EFHB: variants seen among roughly 807,000 people sequenced by gnomAD.
EFHB encodes EF-hand domain-containing family member B.
A neutral mutation model predicts 87.2 loss-of-function variants in EFHB; 91 were observed. That is an observed-to-expected ratio of 1.04 (90% CI 0.88 to 1.24). The LOEUF is 1.24. Among genes scored for constraint, EFHB ranks in the 50% most tolerant of loss-of-function variants. EFHB has a pLI of 0.00. For missense variants in EFHB, 1,084 were observed against 998.8 expected (o/e 1.09, Z -1.15); for synonymous variants, 325 against 333.6 (o/e 0.97, Z 0.28).
chr3:19,904,517 T>C (rs1374359351), intron 6 of EFHB, among the ~76,000 whole-genome samples: 6 of 152,200 alleles, frequency 3.9e-5, no homozygotes, highest in Non-Finnish European at 8.8e-5. Flanking sequence ...TCTTTCCTTC[T>C]TCCAAAGTCT....
intron 1 of EFHB, among the ~76,000 whole-genome samples, chr3:19,946,513 C>G (rs1477497218): frequency 6.6e-6 from 1 of 152,202 alleles, no homozygotes; most frequent in Non-Finnish European, 1.5e-5. Context: ...CCTTCCCCGC[C>G]CCCTACCAAA....
chr3:19,900,714 A>G (rs1375825187), intron 6 of EFHB, among the ~76,000 whole-genome samples: 4 of 152,170 alleles, frequency 2.6e-5, no homozygotes, highest in Non-Finnish European at 5.9e-5. Context: ...AGATCACTTG[A>G]GGTCAGGAGT....
chr3:19,938,180 G>GA (rs1422865901), upstream of EFHB, among the ~76,000 whole-genome samples: 1 of 152,202 alleles, frequency 6.6e-6, no homozygotes, highest in East Asian at 1.9e-4. Flanking sequence ...TCTGAAAGGA[G>GA]AAAGGGCTGT....
rs1001827535 is a variant in EFHB at position 19,899,534 on chromosome 3, A to T, written c.1419-19T>A. ...TCTTTTCCTGCAAAATTAGAACATT[A>T]TCAGGTATCTCTATTACCTAAAGTA... On this transcript the variant is annotated intron_variant, in intron 6 of 12. Transcript: ENST00000295824. 1.9e-6 allele frequency: 3 copies of T among 1,580,506 alleles called. No individual in the cohort carries two copies. Among genetic ancestry groups the T allele is most frequent in the Non-Finnish European group, 2.6e-6 (3 of 1,162,204 alleles).
chr3:19,885,188 C>A (rs1333828012), intron 10 of EFHB, among the ~76,000 whole-genome samples: 1 of 150,418 alleles, frequency 6.6e-6, no homozygotes, highest in Admixed American at 6.6e-5. Flanking sequence ...CGCCATTGCA[C>A]TCCAGCCTGG....
Position 19,887,509 on chromosome 3 carries a change from A to G in EFHB, c.1933+935T>C, listed in dbSNP as rs73188432. Among the ~76,000 whole-genome samples the G allele has an allele frequency of 7.8e-3, 1,188 of 152,196 alleles. 11 individuals are homozygous for G. Among genetic ancestry groups the G allele is most frequent in the African/African-American group, 0.025 (1,022 of 41,522 alleles). On this transcript the variant is annotated intron_variant, in intron 10 of 12. Transcript: ENST00000295824. ...TACATATACACATATGTATATATGT[A>G]TATCTATATATGTAATGATACAGAA...
intron 9 of EFHB, among the ~76,000 whole-genome samples, chr3:19,892,957 CTTTTTTT>C (rs757481642): frequency 7.0e-6 from 1 of 143,672 alleles, no homozygotes; most frequent in Non-Finnish European, 1.5e-5. Context: ...TCTCTATTTT[CTTTTTTT>C]TTTTTTAGAT....
At chr3:19,905,857 A>T in intron 5 of EFHB, 108 bp from the exon 6 acceptor site, 4 of 1,374,558 alleles carry the variant, frequency 2.9e-6, no homozygotes, top group Non-Finnish European at 3.9e-6. Flanking sequence ...TGGAACAAAA[A>T]ATGAAATTGT....
At chr3:19,942,587 T>C (rs933863944) in intron 1 of EFHB, among the ~76,000 whole-genome samples, 3 of 152,214 alleles carry the variant, frequency 2.0e-5, no homozygotes, top group African/African-American at 7.2e-5. Context: ...TATTACATTG[T>C]AATATATAAT....
intron 1 of EFHB, among the ~76,000 whole-genome samples, chr3:19,922,037 T>C (rs531007706): frequency 3.5e-4 from 53 of 152,062 alleles, no homozygotes; most frequent in African/African-American, 1.2e-3. Context: ...TGGTGGTGCG[T>C]GCCTGTAATC....
intron 1 of EFHB, among the ~76,000 whole-genome samples, chr3:19,939,418 T>C (rs1696101440): frequency 8.4e-6 from 1 of 119,036 alleles, no homozygotes; most frequent in Non-Finnish European, 1.8e-5. Context: ...AGTCTCACTC[T>C]GTCGCGCCCA....
chr3:19,908,586 GAGAGAGAGAGAGAGAAAGAAAGAA>G (rs1694930115), intron 5 of EFHB, among the ~76,000 whole-genome samples: 1 of 101,542 alleles, frequency 9.8e-6, no homozygotes, highest in African/African-American at 4.3e-5. Flanking sequence ...GAGAGAGAGA[GAGAGAGAGAGAGAGAAAGAAAGAA>G]AGAAAGAAAG....
chr3:19,902,263 C>G (rs546499264), intron 6 of EFHB, among the ~76,000 whole-genome samples: 1 of 152,310 alleles, frequency 6.6e-6, no homozygotes, highest in Admixed American at 6.5e-5. Flanking sequence ...TCTGATGACT[C>G]AAACCAAAGT....
Position 19,933,599 on chromosome 3 carries a change from T to C in EFHB, c.420A>G (p.Ala140=). Residue 140 remains alanine (A), a synonymous_variant, in exon 1 of 13, where the codon GCA becomes GCG. Transcript: ENST00000295824. ...LGRVCGSSQA[A]GSRRAPLASG... The stretch of plus-strand genomic sequence containing the variant: ...TAGCCAAAGGAGCTCTCCTGCTCCC[T>C]GCAGCCTGTGAACTTCCACACACCC... 2.5e-6 allele frequency: 4 copies of C among 1,614,032 alleles called. No individual in the cohort carries two copies. The highest frequency in any genetic ancestry group is 3.4e-6 in the Non-Finnish European group (4 of 1,179,900).
upstream of EFHB, among the ~76,000 whole-genome samples, chr3:19,938,576 CATAAA>C (rs1325773590): frequency 2.0e-5 from 3 of 152,132 alleles, no homozygotes; most frequent in South Asian, 4.1e-4. Flanking sequence ...AAATGTTCAT[CATAAA>C]ATGTTAGGAA....
chr3:19,917,001 C>T (rs1664716202), intron 4 of EFHB, among the ~76,000 whole-genome samples: 1 of 152,002 alleles, frequency 6.6e-6, no homozygotes, highest in African/African-American at 2.4e-5. Context: ...TTAGAGAATA[C>T]TTTCCACATT....
chr3:19,931,789 T>C (rs2125165978), intron 1 of EFHB, among the ~76,000 whole-genome samples: 1 of 152,328 alleles, frequency 6.6e-6, no homozygotes, highest in Admixed American at 6.5e-5. Flanking sequence ...ATGACCACCA[T>C]AAGCCAGGTA....
At chr3:19,893,735 C>T (rs898139499) in intron 9 of EFHB, among the ~76,000 whole-genome samples, 1 of 152,162 alleles carries the variant, frequency 6.6e-6, no homozygotes, top group African/African-American at 2.4e-5. Flanking sequence ...ACATTGAACA[C>T]CTTTGGGTAT....
At chr3:19,945,882 C>T (rs1696265156) in intron 1 of EFHB, 1 of 152,200 alleles carries the variant, frequency 6.6e-6, no homozygotes, top group African/African-American at 2.4e-5. Flanking sequence ...ACTTCAAAGA[C>T]AATATTCTCG....
Sources: gnomAD v4.1 joint callset for allele counts (sites outside exome capture counted in the v4.1 genomes callset) on GRCh38, gnomAD v4.1.1 for gene constraint, MANE v1.5 for transcripts, NCBI Gene and HGNC (gene_info 2026-07-23, HGNC 2026-07-21) for gene names.